The following ALK variants were observed in gnomAD, a reference collection of about 807,000 sequenced individuals.
The protein encoded by ALK is ALK receptor tyrosine kinase.
A neutral mutation model predicts 163.1 loss-of-function variants in ALK; 74 were observed. The ratio of observed to expected loss-of-function variants is 0.45; its 90% CI spans 0.38 to 0.55. The LOEUF (loss-of-function observed/expected upper bound fraction) is 0.55. Among genes scored for constraint, ALK ranks in the 20% least tolerant of loss-of-function variants. The pLI is 0.00. For missense variants in ALK, 2,063 were observed against 2,105.3 expected, an observed-to-expected ratio of 0.98 and a Z score of 0.39; for synonymous variants, 960 against 843.2, an observed-to-expected ratio of 1.14 and a Z score of -2.40.
chr2:29,611,698 T>G (rs567981448), intron 3 of ALK, among the ~76,000 whole-genome samples: 1 of 152,218 alleles, frequency 6.6e-6, no homozygotes, highest in East Asian at 1.9e-4. Flanking sequence ...CCCCTTGCTG[T>G]TCTTGTGATA....
intron 4 of ALK, among the ~76,000 whole-genome samples, chr2:29,452,338 T>G (rs1289516696): frequency 6.6e-6 from 1 of 151,916 alleles, no homozygotes; most frequent in African/African-American, 2.4e-5. Context: ...TTTTGTTTTT[T>G]TTTTTTTTTT....
intron 1 of ALK, among the ~76,000 whole-genome samples, chr2:29,889,693 GAC>G (rs1667090435): frequency 5.5e-5 from 1 of 18,242 alleles, no homozygotes; most frequent in African/African-American, 1.8e-4. Context: ...TAGATAGATA[GAC>G]AGAGAGAGAG....
At chr2:29,203,116 C>G (rs1225126728) in intron 26 of ALK, among the ~76,000 whole-genome samples, 10 of 152,110 alleles carry the variant, frequency 6.6e-5, no homozygotes, top group African/African-American at 2.4e-4. Context: ...GAGGTGGGGG[C>G]CGAGGATTCG....
At chr2:29,297,562 C>G (rs1481411795) in intron 8 of ALK, among the ~76,000 whole-genome samples, 1 of 152,188 alleles carries the variant, frequency 6.6e-6, no homozygotes, top group East Asian at 1.9e-4. Flanking sequence ...TGTCACATGT[C>G]AGCTAACTAA....
intron 4 of ALK, among the ~76,000 whole-genome samples, chr2:29,516,463 A>G (rs113038457): frequency 0.012 from 1,823 of 152,306 alleles, 41 homozygotes; most frequent in African/African-American, 0.041. Flanking sequence ...ATGCTGTTCC[A>G]TCTGGTACAT....
chr2:29,214,745 T>C (rs879794226), intron 23 of ALK, among the ~76,000 whole-genome samples: 6 of 152,184 alleles, frequency 3.9e-5, no homozygotes, highest in South Asian at 2.1e-4. Context: ...CAATGAAGCC[T>C]TTCCAGAAGG....
intron 2 of ALK, among the ~76,000 whole-genome samples, chr2:29,705,420 G>A (rs1034736696): frequency 1.8e-4 from 28 of 151,454 alleles, no homozygotes; most frequent in Non-Finnish European, 4.0e-4. Context: ...GTCTTCCTCT[G>A]CCTCAGATTT....
intron 1 of ALK, among the ~76,000 whole-genome samples, chr2:29,776,519 G>A (rs1283901525): frequency 2.0e-5 from 3 of 152,168 alleles, no homozygotes; most frequent in Non-Finnish European, 2.9e-5. Flanking sequence ...TGTCCCTCTC[G>A]CTCATGGCAA....
At chr2:29,632,809 T>A (rs1243726352) in intron 3 of ALK, among the ~76,000 whole-genome samples, 2 of 152,170 alleles carry the variant, frequency 1.3e-5, no homozygotes, top group East Asian at 3.9e-4. Flanking sequence ...CTTATGTGGA[T>A]GGTGGCAGGC....
At chr2:29,558,708 T>C (rs1256155451) in intron 3 of ALK, among the ~76,000 whole-genome samples, 1 of 152,122 alleles carries the variant, frequency 6.6e-6, no homozygotes, top group Non-Finnish European at 1.5e-5. Context: ...GTGCAATATT[T>C]TCTAAAACTT....
At chr2:29,755,741 C>A (rs1212865764) in intron 1 of ALK, among the ~76,000 whole-genome samples, 4 of 152,098 alleles carry the variant, frequency 2.6e-5, no homozygotes, top group Non-Finnish European at 5.9e-5. Context: ...ATAGAGCTTG[C>A]CAATGAGAGG....
Position 29,193,306 on chromosome 2 carries a change from T to G in ALK, c.4781A>C (p.Glu1594Ala), listed in dbSNP as rs759166553. ...YGYQQQGLPLEAATAPGAGHY... is the reference protein window; with the variant it reads ...YGYQQQGLPLAAATAPGAGHY... ...ACCAGCTCCAGGGGCAGTAGCGGCT[T>G]CTAAGGGCAAGCCCTGTTGCTGGTA... The change falls in exon 29 of 29, where the codon GAA (glutamate) becomes GCA (alanine). Residue 1594 changes from glutamate to alanine, a missense_variant. Glu to Ala is a moderately radical substitution (Grantham distance 107). Coordinates refer to ENST00000389048, the MANE Select transcript of ALK (RefSeq NM_004304.5). 1.2e-6 allele frequency: 2 copies of G among 1,614,162 alleles called. No homozygotes were observed. Among genetic ancestry groups the G allele is most frequent in the Non-Finnish European group, 1.7e-6 (2 of 1,180,014 alleles).
chr2:29,911,274 C>A (rs749455343), intron 1 of ALK, among the ~76,000 whole-genome samples: 3 of 152,098 alleles, frequency 2.0e-5, no homozygotes, highest in Non-Finnish European at 4.4e-5. Flanking sequence ...TTTTTTCCTT[C>A]TTATCTCATG....
At position 29,328,338 on chromosome 2, in the gene ALK, C is replaced by A; in HGVS notation, c.1414+12G>T. The stretch of plus-strand genomic sequence containing the variant: ...TGGGCTCAGGCAGGGTGGGGCAGCC[C>A]CATCTACTCACGGCACATCTGGCTC... On this transcript the variant is annotated intron_variant, in intron 6 of 28. Transcript: ENST00000389048. 6.2e-7 allele frequency: 1 copy of A among 1,614,088 alleles called. No individual in the cohort carries two copies. Among genetic ancestry groups the A allele is most frequent in the Non-Finnish European group, 8.5e-7 (1 of 1,179,984 alleles).
chr2:29,795,196 A>T (rs938617863), intron 1 of ALK, among the ~76,000 whole-genome samples: 2 of 152,162 alleles, frequency 1.3e-5, no homozygotes, highest in African/African-American at 4.8e-5. Context: ...ACACACACAC[A>T]CACGCAAAGA....
At chr2:29,474,038 G>A (rs1436972999) in intron 4 of ALK, among the ~76,000 whole-genome samples, 1 of 152,128 alleles carries the variant, frequency 6.6e-6, no homozygotes, top group Non-Finnish European at 1.5e-5. Context: ...TTCTAAAGCT[G>A]ACTAGACACA....
At chr2:29,899,302 C>T (rs539497705) in intron 1 of ALK, among the ~76,000 whole-genome samples, 2 of 152,288 alleles carry the variant, frequency 1.3e-5, no homozygotes, top group East Asian at 1.9e-4. Flanking sequence ...TGAGGGCCTT[C>T]GGGAAAGATT....
chr2:29,336,507 T>A (rs1233039651), intron 5 of ALK, among the ~76,000 whole-genome samples: 2 of 152,194 alleles, frequency 1.3e-5, no homozygotes, highest in Non-Finnish European at 2.9e-5. Flanking sequence ...CTGGATATAG[T>A]AGAAATTAGT....
intron 3 of ALK, among the ~76,000 whole-genome samples, chr2:29,585,438 T>C (rs1266451277): frequency 1.3e-5 from 2 of 152,182 alleles, no homozygotes; most frequent in Non-Finnish European, 2.9e-5. Context: ...GTGATTCTCA[T>C]GCCTCAGCTT....
Sources: gnomAD v4.1 joint callset for allele counts (sites outside exome capture counted in the v4.1 genomes callset) on GRCh38, gnomAD v4.1.1 for gene constraint, MANE v1.5 for transcripts, NCBI Gene and HGNC (gene_info 2026-07-23, HGNC 2026-07-21) for gene names.